The following NRG2 variants were observed in gnomAD, a reference collection of about 807,000 sequenced individuals.
The protein encoded by NRG2 is pro-neuregulin-2, membrane-bound isoform.
A neutral mutation model predicts 73.9 loss-of-function variants in NRG2; 27 were observed. That is an observed-to-expected ratio of 0.37 (90% CI 0.27 to 0.50). NRG2 has a LOEUF of 0.50. NRG2 is among the 20% of genes least tolerant of loss of function. The pLI is 0.96. For missense variants in NRG2, 1,126 were observed against 1,210.1 expected (o/e 0.93, Z 1.03); for synonymous variants, 532 against 541.0 (o/e 0.98, Z 0.23).
At chr5:139,938,655 C>T (rs769725080) in intron 1 of NRG2, among the ~76,000 whole-genome samples, 26 of 152,006 alleles carry the variant, frequency 1.7e-4, no homozygotes, top group African/African-American at 6.0e-4. Context: ...CCATGTACAG[C>T]CTCAAGATAT....
At position 139,865,484 on chromosome 5, in the gene NRG2, T is replaced by G; in HGVS notation, c.1189+65A>C. The stretch of plus-strand genomic sequence containing the variant: ...AACACCCCTGGCCCTATGCCCTACA[T>G]TGGGGGGACTGCACCCAGAAGCTTT... On this transcript the variant is annotated intron_variant, in intron 5 of 9. Coordinates refer to ENST00000361474, the MANE Select transcript of NRG2 (RefSeq NM_004883.3). This position sits in a 1 kb window ranked among gnomAD's most constrained non-coding sequence, Gnocchi z 5.2. The G allele has an allele frequency of 1.9e-5, 24 of 1,236,254 alleles. No homozygotes were observed. The highest frequency in any genetic ancestry group is 2.5e-5 in the Non-Finnish European group (21 of 845,356). 76.6% of individuals were successfully genotyped at this position (1,236,254 alleles called of 1,614,324 possible).
At chr5:139,965,720 C>T (rs540645531) in intron 1 of NRG2, among the ~76,000 whole-genome samples, 3 of 152,286 alleles carry the variant, frequency 2.0e-5, no homozygotes, top group African/African-American at 4.8e-5. Flanking sequence ...TGGTAGAGAC[C>T]GTCACCCCAA....
rs1281762567 is a variant in NRG2 at position 139,954,989 on chromosome 5, CCTT to C, written c.701-67481_701-67479del. Among the ~76,000 whole-genome samples, 3 of 152,326 alleles carry C rather than the reference CCTT, an allele frequency of 2.0e-5. No individual in the cohort carries two copies. The highest frequency in any genetic ancestry group is 6.5e-5 in the Admixed American group (1 of 15,304). ...CCTGCCCACTCACGATTGTCATCAC[CCTT>C]CTTCTTGCATTTGCCAACTCAATTC... is the stretch of plus-strand genomic sequence containing the variant. On this transcript the variant is annotated intron_variant, in intron 1 of 9. Coordinates refer to ENST00000361474, the MANE Select transcript of NRG2 (RefSeq NM_004883.3). This position sits in a 1 kb window ranked among gnomAD's most constrained non-coding sequence, Gnocchi z 5.0.
chr5:139,944,164 TA>T (rs34819431), intron 1 of NRG2, among the ~76,000 whole-genome samples: 4,025 of 149,988 alleles, frequency 0.027, 69 homozygotes, highest in Middle Eastern at 0.068. Flanking sequence ...ATACGATCTT[TA>T]AAAAAAAAAT....
intron 5 of NRG2, among the ~76,000 whole-genome samples, chr5:139,863,581 A>G (rs1762286677): frequency 6.6e-6 from 1 of 152,222 alleles, no homozygotes; most frequent in Non-Finnish European, 1.5e-5. Context: ...CTCGCCATCC[A>G]GGACAGTCTC....
chr5:139,995,520 G>A (rs898763449), intron 1 of NRG2, among the ~76,000 whole-genome samples: 2 of 152,204 alleles, frequency 1.3e-5, no homozygotes, highest in Admixed American at 1.3e-4. Context: ...GAAGCACTTA[G>A]AGGCTTCCTC....
intron 1 of NRG2, among the ~76,000 whole-genome samples, chr5:139,914,268 G>A (rs1237530391): frequency 1.3e-5 from 2 of 152,180 alleles, no homozygotes; most frequent in African/African-American, 4.8e-5. Flanking sequence ...ATGCGAGCAA[G>A]CTAGGAGTGG....
chr5:139,999,028 C>A (rs966668148), intron 1 of NRG2, among the ~76,000 whole-genome samples: 1 of 152,112 alleles, frequency 6.6e-6, no homozygotes, highest in Non-Finnish European at 1.5e-5. Context: ...CTCAAACACA[C>A]AACCCTCTAG....
chr5:139,877,203 C>G (rs1763242433), intron 3 of NRG2, among the ~76,000 whole-genome samples: 1 of 152,210 alleles, frequency 6.6e-6, no homozygotes, highest in Admixed American at 6.5e-5. Flanking sequence ...GCACCGCAAA[C>G]TTCCTGCCGA....
At chr5:140,006,831 G>T (rs1489804781) in intron 1 of NRG2, among the ~76,000 whole-genome samples, 1 of 152,126 alleles carries the variant, frequency 6.6e-6, no homozygotes, top group Non-Finnish European at 1.5e-5. Context: ...CAACAAACAT[G>T]TTACTTTTCA....
intron 1 of NRG2, among the ~76,000 whole-genome samples, chr5:139,941,061 G>A (rs377634339): frequency 1.1e-4 from 16 of 152,252 alleles, no homozygotes; most frequent in African/African-American, 3.9e-4. Context: ...AGATCACAAG[G>A]AAAGAAAGAA....
intron 9 of NRG2, among the ~76,000 whole-genome samples, chr5:139,849,036 C>G (rs1467347436): frequency 1.3e-5 from 2 of 152,118 alleles, no homozygotes; most frequent in African/African-American, 4.8e-5. Context: ...GAATGCTCAC[C>G]GTCAGGGGGT....
At chr5:140,010,035 C>T (rs1441589391) in intron 1 of NRG2, among the ~76,000 whole-genome samples, 8 of 152,264 alleles carry the variant, frequency 5.3e-5, no homozygotes, top group Admixed American at 3.9e-4. Context: ...CAGTGGCTCA[C>T]ACCTGTAATC....
chr5:140,024,120 C>G (rs1044083387), intron 1 of NRG2, among the ~76,000 whole-genome samples: 4 of 152,150 alleles, frequency 2.6e-5, no homozygotes, highest in Non-Finnish European at 5.9e-5. Context: ...TGAGACTACC[C>G]TAGAGGAACC....
intron 1 of NRG2, among the ~76,000 whole-genome samples, chr5:139,946,938 C>T (rs370850356): frequency 3.2e-4 from 48 of 151,900 alleles, no homozygotes; most frequent in South Asian, 2.9e-3. Flanking sequence ...CATCACTAAT[C>T]GTTAGGGAAA....
At chr5:139,905,201 C>A (rs1252809148) in intron 1 of NRG2, among the ~76,000 whole-genome samples, 1 of 152,170 alleles carries the variant, frequency 6.6e-6, no homozygotes, top group East Asian at 1.9e-4. Context: ...GAGGTGAACT[C>A]AGACACTGAC....
intron 1 of NRG2, among the ~76,000 whole-genome samples, chr5:140,037,242 G>A (rs553698460): frequency 2.6e-5 from 4 of 152,298 alleles, no homozygotes; most frequent in South Asian, 4.1e-4. Flanking sequence ...ATCACCAAGC[G>A]TGTGAAACAA....
intron 1 of NRG2, among the ~76,000 whole-genome samples, chr5:139,957,307 C>G (rs549473766): frequency 5.6e-5 from 8 of 143,984 alleles, no homozygotes; most frequent in South Asian, 2.4e-4. Flanking sequence ...TCAAGAATCT[C>G]TGTGTGTGTG....
chr5:140,026,456 C>G (rs553560094), intron 1 of NRG2, among the ~76,000 whole-genome samples: 14 of 152,188 alleles, frequency 9.2e-5, no homozygotes, highest in Middle Eastern at 6.8e-3. Flanking sequence ...CAACTAGAAG[C>G]CAGGCACAGT....
Sources: allele counts gnomAD v4.1 joint callset (sites outside exome capture counted in the v4.1 genomes callset), GRCh38; gene constraint gnomAD v4.1.1; non-coding constraint Gnocchi (gnomAD v3.1); transcripts MANE v1.5; gene names NCBI Gene and HGNC (gene_info 2026-07-23, HGNC 2026-07-21).